DIAPH3: variants seen among roughly 807,000 people sequenced by gnomAD.
DIAPH3 encodes the protein protein diaphanous homolog 3.
Under a neutral mutation model 144.3 loss-of-function variants are expected in DIAPH3, and 117 were observed. The ratio of observed to expected loss-of-function variants is 0.81; its 90% CI spans 0.70 to 0.95. The LOEUF is 0.95. DIAPH3 is among the 40% of genes least tolerant of loss of function. The pLI, the probability that DIAPH3 is intolerant of heterozygous loss-of-function variation, is 0.00. For synonymous variants in DIAPH3, 519 were observed against 488.9 expected (o/e 1.06, Z -0.81); for missense variants, 1,421 against 1,412.7 (o/e 1.01, Z -0.09).
intron 17 of DIAPH3, among the ~76,000 whole-genome samples, chr13:59,925,842 T>A (rs1279617986): frequency 6.6e-6 from 1 of 152,174 alleles, no homozygotes; most frequent in Non-Finnish European, 1.5e-5. Flanking sequence ...ACTCTAACAA[T>A]CCTTTTTATT....
At chr13:60,062,641 C>G (rs754511533) in intron 4 of DIAPH3, among the ~76,000 whole-genome samples, 4 of 152,090 alleles carry the variant, frequency 2.6e-5, no homozygotes, top group Non-Finnish European at 4.4e-5. Context: ...AACAAAAATA[C>G]AGGCATACCT....
At chr13:59,987,435 C>A (rs1244568765) in intron 12 of DIAPH3, among the ~76,000 whole-genome samples, 1 of 141,614 alleles carries the variant, frequency 7.1e-6, no homozygotes, top group East Asian at 2.0e-4. Flanking sequence ...TGTAACTAAC[C>A]TGCACAATGT....
intron 2 of DIAPH3, among the ~76,000 whole-genome samples, chr13:60,127,743 C>G (rs1043119837): frequency 6.6e-6 from 1 of 152,096 alleles, no homozygotes; most frequent in Admixed American, 6.6e-5. Flanking sequence ...AGAGAATTGA[C>G]TGTAAGCGGG....
intron 17 of DIAPH3, among the ~76,000 whole-genome samples, chr13:59,959,690 G>C (rs534192370): frequency 1.3e-5 from 2 of 152,308 alleles, no homozygotes; most frequent in East Asian, 3.9e-4. Flanking sequence ...GAAAAGGCAA[G>C]GAAACACATT....
At chr13:59,667,584 A>C (rs958859006) in intron 27 of DIAPH3, among the ~76,000 whole-genome samples, 4 of 152,260 alleles carry the variant, frequency 2.6e-5, no homozygotes, top group African/African-American at 9.6e-5. Flanking sequence ...GCAAGCAAAT[A>C]ATTAAAACTT....
chr13:59,956,460 T>C (rs2049408866), intron 17 of DIAPH3, among the ~76,000 whole-genome samples: 1 of 152,210 alleles, frequency 6.6e-6, no homozygotes, highest in Non-Finnish European at 1.5e-5. Context: ...GTGTCAGGAC[T>C]GTGGGTGCAA....
intron 3 of DIAPH3, among the ~76,000 whole-genome samples, chr13:60,107,952 G>A (rs114371437): frequency 6.6e-6 from 1 of 152,256 alleles, no homozygotes; most frequent in African/African-American, 2.4e-5. Flanking sequence ...GAAAAGGTAT[G>A]AATGCATGAA....
intron 27 of DIAPH3, among the ~76,000 whole-genome samples, chr13:59,719,373 A>G (rs1044219096): frequency 5.3e-5 from 8 of 152,194 alleles, no homozygotes; most frequent in African/African-American, 1.9e-4. Flanking sequence ...ATTTTAGTTA[A>G]CAAATAAAAC....
chr13:59,969,652 C>T (rs1316874858), intron 17 of DIAPH3, among the ~76,000 whole-genome samples: 1 of 152,148 alleles, frequency 6.6e-6, no homozygotes, highest in Admixed American at 6.6e-5. Context: ...CCAAAACTGT[C>T]ACAGAAAATA....
intron 4 of DIAPH3, among the ~76,000 whole-genome samples, chr13:60,091,685 T>C (rs2057939174): frequency 6.6e-6 from 1 of 152,168 alleles, no homozygotes; most frequent in Admixed American, 6.5e-5. Flanking sequence ...TTTCTCTATA[T>C]TTTAAATTAT....
At chr13:60,137,070 A>G (rs1032030117) in intron 1 of DIAPH3, among the ~76,000 whole-genome samples, 12 of 152,328 alleles carry the variant, frequency 7.9e-5, no homozygotes, top group Admixed American at 1.3e-4. Context: ...CTCTGGTCCT[A>G]TGTTTCTCAA....
intron 1 of DIAPH3, among the ~76,000 whole-genome samples, chr13:60,154,612 A>G (rs984738775): frequency 6.6e-6 from 1 of 152,200 alleles, no homozygotes; most frequent in Non-Finnish European, 1.5e-5. Flanking sequence ...CTAAGTTAAT[A>G]AAGACTATTC....
intron 5 of DIAPH3, among the ~76,000 whole-genome samples, chr13:60,034,231 T>G (rs973072174): frequency 2.0e-5 from 3 of 152,210 alleles, no homozygotes; most frequent in African/African-American, 7.2e-5. Context: ...TACTGATAGC[T>G]GTAAAGCCAT....
intron 24 of DIAPH3, among the ~76,000 whole-genome samples, chr13:59,815,337 C>T (rs933693633): frequency 1.3e-5 from 2 of 152,034 alleles, no homozygotes; most frequent in Non-Finnish European, 2.9e-5. Context: ...ATCCTTGGGC[C>T]TTTGCTCTTC....
At chr13:59,806,860 TATC>T (rs1325379664) in intron 25 of DIAPH3, among the ~76,000 whole-genome samples, 8 of 151,838 alleles carry the variant, frequency 5.3e-5, no homozygotes, top group African/African-American at 1.4e-4. Context: ...ATTTGTCAAA[TATC>T]ATATGCATAA....
At chr13:60,146,384 T>G (rs1007707705) in intron 1 of DIAPH3, among the ~76,000 whole-genome samples, 4 of 152,150 alleles carry the variant, frequency 2.6e-5, no homozygotes, top group African/African-American at 9.7e-5. Flanking sequence ...TCTTGGTGAT[T>G]CAAAAAAACA....
intron 27 of DIAPH3, among the ~76,000 whole-genome samples, chr13:59,726,263 T>C (rs929295937): frequency 3.9e-5 from 6 of 152,196 alleles, no homozygotes; most frequent in African/African-American, 7.2e-5. Flanking sequence ...TGGACCTACA[T>C]ATGTCATCTT....
intron 18 of DIAPH3, among the ~76,000 whole-genome samples, chr13:59,920,299 T>C (rs1331712796): frequency 6.6e-6 from 1 of 151,834 alleles, no homozygotes; most frequent in Non-Finnish European, 1.5e-5. Context: ...TGCTGACTAT[T>C]GAAGACTAAC....
At chr13:60,035,342 C>CA (rs902730671) in intron 5 of DIAPH3, among the ~76,000 whole-genome samples, 10 of 151,452 alleles carry the variant, frequency 6.6e-5, no homozygotes, top group East Asian at 1.9e-4. Flanking sequence ...ATCTATAAAC[C>CA]AAAAAAAAGC....
Sources: gnomAD v4.1 joint callset for allele counts (sites outside exome capture counted in the v4.1 genomes callset) on GRCh38, gnomAD v4.1.1 for gene constraint, MANE v1.5 for transcripts, NCBI Gene and HGNC (gene_info 2026-07-23, HGNC 2026-07-21) for gene names.